PDE4D: variants seen among roughly 807,000 people sequenced by gnomAD.
PDE4D encodes the protein phosphodiesterase 4D, also known as 3',5'-cyclic-AMP phosphodiesterase 4D.
Under a neutral mutation model 87.4 loss-of-function variants are expected in PDE4D, and 24 were observed. The ratio of observed to expected loss-of-function variants is 0.27; its 90% confidence interval spans 0.20 to 0.39. The LOEUF (loss-of-function observed/expected upper bound fraction) is 0.39. Among genes scored for constraint, PDE4D ranks in the 10% least tolerant of loss-of-function variants. The probability of loss-of-function intolerance (pLI) is 1.00; values close to 1 mark genes in which losing one functional copy is unlikely to be tolerated. For synonymous variants in PDE4D, 384 were observed against 383.2 expected (o/e 1.00, Z -0.02); for missense variants, 714 against 1,041.0 (o/e 0.69, Z 4.32).
At chr5:60,084,918 C>T (rs575124534) in intron 2 of PDE4D, among the ~76,000 whole-genome samples, 5 of 152,224 alleles carry the variant, frequency 3.3e-5, no homozygotes, top group South Asian at 2.1e-4. Context: ...TGATATAATA[C>T]GGGCCTCCAG....
intron 2 of PDE4D, among the ~76,000 whole-genome samples, chr5:60,085,750 C>A (rs1774452789): frequency 6.6e-6 from 1 of 152,098 alleles, no homozygotes; most frequent in African/African-American, 2.4e-5. Context: ...AAACTTTCAT[C>A]ATTTATTGTT....
At chr5:60,132,032 C>G (rs1250379201) in intron 2 of PDE4D, among the ~76,000 whole-genome samples, 1 of 152,184 alleles carries the variant, frequency 6.6e-6, no homozygotes, top group South Asian at 2.1e-4. Flanking sequence ...TCTCTTACCA[C>G]TGATGGCCTT....
chr5:59,370,593 A>AT (rs544881348), intron 1 of PDE4D, among the ~76,000 whole-genome samples: 137 of 152,156 alleles, frequency 9.0e-4, no homozygotes, highest in Non-Finnish European at 1.4e-3. Flanking sequence ...CTCTGCACTA[A>AT]TTTTTTTCAT....
At chr5:59,123,472 T>C (rs568903898) in intron 5 of PDE4D, among the ~76,000 whole-genome samples, 1 of 152,346 alleles carries the variant, frequency 6.6e-6, no homozygotes, top group African/African-American at 2.4e-5. Flanking sequence ...ACTTAATTCA[T>C]AATTTTGCTA....
chr5:59,113,291 T>C (rs1773004343), intron 5 of PDE4D, among the ~76,000 whole-genome samples: 1 of 152,218 alleles, frequency 6.6e-6, no homozygotes, highest in Non-Finnish European at 1.5e-5. Flanking sequence ...TTCTTAAAAA[T>C]TTAGATTCTG....
intron 3 of PDE4D, among the ~76,000 whole-genome samples, chr5:59,914,168 A>G (rs1050834650): frequency 6.6e-6 from 1 of 152,172 alleles, no homozygotes; most frequent in African/African-American, 2.4e-5. Flanking sequence ...TAGGTGCTAG[A>G]CTATGGCACA....
At chr5:60,315,685 A>G (rs1432987112) in intron 1 of PDE4D, among the ~76,000 whole-genome samples, 1 of 152,218 alleles carries the variant, frequency 6.6e-6, no homozygotes, top group African/African-American at 2.4e-5. Flanking sequence ...GAAGGGATCC[A>G]GTTTCAGCTT....
intron 1 of PDE4D, among the ~76,000 whole-genome samples, chr5:59,782,464 G>A (rs1195543097): frequency 6.6e-6 from 1 of 152,088 alleles, no homozygotes; most frequent in Non-Finnish European, 1.5e-5. Flanking sequence ...TGAGCCCCTG[G>A]ATACTTAAGC....
intron 1 of PDE4D, among the ~76,000 whole-genome samples, chr5:59,677,027 G>C (rs1748202937): frequency 6.7e-6 from 1 of 150,116 alleles, no homozygotes; most frequent in South Asian, 2.1e-4. Context: ...GAAAGCAGTA[G>C]AAAAGAAAAT....
chr5:60,129,929 C>T (rs1779426302), intron 2 of PDE4D, among the ~76,000 whole-genome samples: 1 of 152,132 alleles, frequency 6.6e-6, no homozygotes, highest in South Asian at 2.1e-4. Context: ...AACCTAATCA[C>T]CAATGTGATG....
chr5:59,353,715 G>GCT (rs1027148574), intron 1 of PDE4D, among the ~76,000 whole-genome samples: 3 of 151,526 alleles, frequency 2.0e-5, no homozygotes, highest in African/African-American at 7.3e-5. Context: ...CCACGGCCCT[G>GCT]CTCCCCTCCT....
chr5:59,356,831 C>A, intron 1 of PDE4D: 1 of 1,549,600 alleles, frequency 6.5e-7, no homozygotes, highest in Non-Finnish European at 8.6e-7. Context: ...CCCAGAGGAT[C>A]CCAAACAAAA....
intron 5 of PDE4D, among the ~76,000 whole-genome samples, chr5:59,062,314 G>A (rs189817666): frequency 4.0e-4 from 61 of 152,058 alleles, no homozygotes; most frequent in Admixed American, 3.6e-3. Context: ...CCCATACATT[G>A]GCATATTGTG....
At chr5:59,725,666 T>C (rs1319901802) in intron 1 of PDE4D, among the ~76,000 whole-genome samples, 1 of 152,164 alleles carries the variant, frequency 6.6e-6, no homozygotes, top group Non-Finnish European at 1.5e-5. Flanking sequence ...TGAAATGTTA[T>C]TTAAAAAGAA....
intron 2 of PDE4D, among the ~76,000 whole-genome samples, chr5:60,006,983 T>C (rs1269298725): frequency 6.6e-6 from 1 of 151,976 alleles, no homozygotes; most frequent in Non-Finnish European, 1.5e-5. Context: ...TTCAGGGCTT[T>C]AGACTTTTTA....
intron 1 of PDE4D, among the ~76,000 whole-genome samples, chr5:59,742,261 A>G (rs1365767718): frequency 6.6e-6 from 1 of 152,118 alleles, no homozygotes; most frequent in South Asian, 2.1e-4. Flanking sequence ...ACGGGGTTTC[A>G]CCATGTTGGT....
chr5:59,241,271 T>C (rs1757613146), intron 1 of PDE4D, among the ~76,000 whole-genome samples: 1 of 152,200 alleles, frequency 6.6e-6, no homozygotes. Context: ...TGCCTGGCCC[T>C]GAGCAAGTAG....
At chr5:60,369,166 C>T (rs1445737009) in intron 1 of PDE4D, among the ~76,000 whole-genome samples, 1 of 151,740 alleles carries the variant, frequency 6.6e-6, no homozygotes, top group Non-Finnish European at 1.5e-5. Context: ...TACCTGTCTT[C>T]CTCCCCTTTT....
At chr5:59,674,601 C>T (rs1014585399) in intron 1 of PDE4D, among the ~76,000 whole-genome samples, 2 of 152,170 alleles carry the variant, frequency 1.3e-5, no homozygotes, top group African/African-American at 4.8e-5. Context: ...CTGCCACCTC[C>T]TAAATTCTTT....
Sources: allele counts gnomAD v4.1 joint callset (sites outside exome capture counted in the v4.1 genomes callset), GRCh38; gene constraint gnomAD v4.1.1; transcripts MANE v1.5; gene names NCBI Gene and HGNC (gene_info 2026-07-23, HGNC 2026-07-21).